Variants in TMED10 observed in about 807,000 individuals in gnomAD.
TMED10 encodes the protein transmembrane emp24 domain-containing protein 10.
In TMED10, 7 loss-of-function variants were observed where a neutral mutation model predicts 23.1. The ratio of observed to expected loss-of-function variants is 0.30; its 90% CI spans 0.17 to 0.57. The LOEUF (loss-of-function observed/expected upper bound fraction) is 0.57. Ranked by LOEUF, TMED10 falls within the 20% of genes least tolerant of loss-of-function variation. The probability of loss-of-function intolerance (pLI) is 0.91; values close to 1 mark genes in which losing one functional copy is unlikely to be tolerated. For missense variants in TMED10, 162 were observed against 274.8 expected, an observed-to-expected ratio of 0.59 and a Z score of 2.90; for synonymous variants, 113 against 106.9, an observed-to-expected ratio of 1.06 and a Z score of -0.35.
At chr14:75,142,697 C>T (rs1051091485) in intron 3 of TMED10, among the ~76,000 whole-genome samples, 3 of 152,114 alleles carry the variant, frequency 2.0e-5, no homozygotes, top group Non-Finnish European at 2.9e-5. Flanking sequence ...TTTATATAGT[C>T]GTAAAGACCT....
chr14:75,176,233 T>C (rs1180057800), intron 1 of TMED10, 122 bp downstream of exon 1: 1 of 1,264,754 alleles, frequency 7.9e-7, no homozygotes, highest in Non-Finnish European at 1.1e-6. Context: ...GCACGTCCTT[T>C]GCGCTCCCGG....
Position 75,176,606 on chromosome 14 carries a change from A to T in TMED10, c.-27T>A, listed in dbSNP as rs1397956500. ...GTGCTGGAGACTCGTTCACCACCGA[A>T]GGCCTCAACCGCGCCGGAACCGGGG... On this transcript the variant is annotated 5_prime_UTR_variant, in exon 1 of 5. Transcript: ENST00000303575. 2 of 1,612,538 alleles carry T rather than the reference A, an allele frequency of 1.2e-6. No individual in the cohort carries two copies. Among genetic ancestry groups the T allele is most frequent in the East Asian group, 4.5e-5 (2 of 44,858 alleles).
chr14:75,138,825 T>TC (rs60535884), intron 3 of TMED10, among the ~76,000 whole-genome samples: 1 of 141,628 alleles, frequency 7.1e-6, no homozygotes, highest in African/African-American at 2.7e-5. Flanking sequence ...TTTTTTTTTT[T>TC]TTTTTTTATT....
At position 75,158,681 on chromosome 14, in the gene TMED10, T is replaced by C. The variant is rs561656095; in HGVS notation, c.226-6538A>G. Among the ~76,000 whole-genome samples the C allele has an allele frequency of 9.0e-4, 137 of 151,680 alleles. 1 individual carries two copies. Among genetic ancestry groups the C allele is most frequent in the Non-Finnish European group, 1.7e-3 (114 of 67,886 alleles). On this transcript the variant is annotated intron_variant, in intron 1 of 4. Transcript: ENST00000303575. Reference sequence around the variant, plus strand: ...GGCTCATGCCTGTAATCCCAGCACTTTGGGAGGCCGAGGCGGGCAGATCAC... The same window carrying C: ...GGCTCATGCCTGTAATCCCAGCACTCTGGGAGGCCGAGGCGGGCAGATCAC...
chr14:75,155,813 T>C (rs1476858390), intron 1 of TMED10, among the ~76,000 whole-genome samples: 9 of 152,130 alleles, frequency 5.9e-5, no homozygotes, highest in Non-Finnish European at 1.3e-4. Context: ...CAGAAAAACA[T>C]AAAACAAAAA....
chr14:75,167,926 C>T lies in TMED10; in HGVS notation c.225+8429G>A, dbSNP rs1040127172. Among the ~76,000 whole-genome samples the T allele has an allele frequency of 1.1e-4, 17 of 152,228 alleles. No individual in the cohort carries two copies. In the East Asian group the frequency reaches 1.5e-3, roughly 14 times the overall value. ...AAACTTCTATATTCACTGTAAATGA[C>T]GAGTTGATACTTCCTGCTTCAATTA... On this transcript the variant is annotated intron_variant, in intron 1 of 4. Coordinates refer to ENST00000303575, the MANE Select transcript of TMED10 (RefSeq NM_006827.6).
intron 1 of TMED10, among the ~76,000 whole-genome samples, chr14:75,170,704 T>C (rs1352449945): frequency 6.6e-6 from 1 of 152,198 alleles, no homozygotes; most frequent in Non-Finnish European, 1.5e-5. Context: ...CAACAATTCC[T>C]TACTCTGACA....
At position 75,133,750 on chromosome 14, in the gene TMED10, A is replaced by G. The variant is rs1237466458; in HGVS notation, c.*1135T>C. 1 of 185,804 alleles carries G rather than the reference A, an allele frequency of 5.4e-6. No individual in the cohort carries two copies. The highest frequency in any genetic ancestry group is 1.8e-4 in the East Asian group (1 of 5,564). 11.5% of individuals were successfully genotyped at this position (185,804 alleles called of 1,614,324 possible). ...GGGCAAAAAACTGAAAACAACTCTT[A>G]TGTCCTTTAGTGGGTGAATGGTTAA... On this transcript the variant is annotated 3_prime_UTR_variant, in exon 5 of 5. Coordinates refer to ENST00000303575, the MANE Select transcript of TMED10 (RefSeq NM_006827.6).
rs770085855 is a variant in TMED10, at chr14:75,134,272, T to C, written c.*613A>G. The C allele has an allele frequency of 1.3e-5, 2 of 154,058 alleles. No homozygotes were observed. The highest frequency in any genetic ancestry group is 2.9e-5 in the Non-Finnish European group (2 of 68,998). 9.5% of individuals were successfully genotyped at this position (154,058 alleles called of 1,614,324 possible). On this transcript the variant is annotated 3_prime_UTR_variant, in exon 5 of 5. Transcript: ENST00000303575. ...AAGCAGTTGAGCACAAATATTTTAA[T>C]TGTCTAAAATGACATTTTCTTTAAG...
Position 75,132,265 on chromosome 14 carries a change from A to G in TMED10, c.*2620T>C, listed in dbSNP as rs757441226. 4 of 151,424 alleles carry G rather than the reference A, an allele frequency of 2.6e-5. No individual in the cohort carries two copies. Among genetic ancestry groups the G allele is most frequent in the African/African-American group, 4.9e-5 (2 of 41,186 alleles). The allele number at this position is 151,424 out of a possible 1,614,324, so 9.4% of individuals were successfully genotyped here. A position where few individuals can be genotyped will look rare whatever the true frequency, so the allele number is the denominator to read the frequency against. On this transcript the variant is annotated 3_prime_UTR_variant, in exon 5 of 5. Coordinates refer to ENST00000303575, the MANE Select transcript of TMED10 (RefSeq NM_006827.6). ...TAGCCAGGCATGGTGGTGTGCACCT[A>G]TATTCCCAGCTACTCAGGAGGCTGA...
chr14:75,174,891 T>C (rs1896282848), intron 1 of TMED10, among the ~76,000 whole-genome samples: 1 of 151,770 alleles, frequency 6.6e-6, no homozygotes, highest in Non-Finnish European at 1.5e-5. Flanking sequence ...AATACAAAAA[T>C]TAGCTGGGTG....
intron 1 of TMED10, among the ~76,000 whole-genome samples, chr14:75,152,525 C>T (rs540809899): frequency 6.6e-6 from 1 of 152,250 alleles, no homozygotes; most frequent in South Asian, 2.1e-4. Flanking sequence ...AAAGATTATA[C>T]AAGAGGGACA....
chr14:75,168,862 T>C (rs1896195604), intron 1 of TMED10, among the ~76,000 whole-genome samples: 1 of 152,172 alleles, frequency 6.6e-6, no homozygotes, highest in African/African-American at 2.4e-5. Flanking sequence ...AAAAGTGCCA[T>C]GTAAAACAGG....
Position 75,131,782 on chromosome 14 carries a change from T to G in TMED10, c.*3103A>C, listed in dbSNP as rs1030091192. 6 of 152,192 alleles carry G rather than the reference T, an allele frequency of 3.9e-5. No homozygotes were observed. Among genetic ancestry groups the G allele is most frequent in the African/African-American group, 1.4e-4 (6 of 41,430 alleles). 9.4% of individuals were successfully genotyped at this position (152,192 alleles called of 1,614,324 possible). Reference sequence around the variant, plus strand: ...ATTTACTTTTTAGATAAAACCAAAGTATAATATCAATTAACTTTTAAACCA... The same window carrying G: ...ATTTACTTTTTAGATAAAACCAAAGGATAATATCAATTAACTTTTAAACCA... On this transcript the variant is annotated 3_prime_UTR_variant, in exon 5 of 5. Coordinates refer to ENST00000303575, the MANE Select transcript of TMED10 (RefSeq NM_006827.6).
At position 75,175,647 on chromosome 14, in the gene TMED10, G is replaced by A. The variant is rs187363981; in HGVS notation, c.225+708C>T. ...AGGAGACATACCTAATGTAAATGAC[G>A]AGTTAATGGGTGCAGCACACCAACA... On this transcript the variant is annotated intron_variant, in intron 1 of 4. Coordinates refer to ENST00000303575, the MANE Select transcript of TMED10 (RefSeq NM_006827.6). Among the ~76,000 whole-genome samples the A allele has an allele frequency of 4.1e-4, 62 of 151,804 alleles. No individual in the cohort carries two copies. The East Asian group carries it at 6.8e-3, about 17-fold the overall frequency.
At chr14:75,170,397 T>C (rs188985023) in intron 1 of TMED10, among the ~76,000 whole-genome samples, 1 of 152,258 alleles carries the variant, frequency 6.6e-6, no homozygotes, top group Non-Finnish European at 1.5e-5. Context: ...AAAAAGGAAC[T>C]AGAATTCCTT....
chr14:75,172,382 A>G (rs1454441315), intron 1 of TMED10, among the ~76,000 whole-genome samples: 1 of 151,362 alleles, frequency 6.6e-6, no homozygotes, highest in Non-Finnish European at 1.5e-5. Flanking sequence ...ATCATACTTC[A>G]CTGCAACTTC....
chr14:75,135,926 C>A, intron 3 of TMED10, 40 bp from the exon 4 acceptor site: 2 of 1,608,748 alleles, frequency 1.2e-6, no homozygotes, highest in South Asian at 2.2e-5. Flanking sequence ...CTGAAAACAT[C>A]GCTTCAGTCA....
At chr14:75,148,524 T>C (rs10138183) in intron 2 of TMED10, among the ~76,000 whole-genome samples, 70,790 of 151,718 alleles carry the variant, frequency 0.47, 17,445 homozygotes, top group East Asian at 0.84. Flanking sequence ...AATCATCAAG[T>C]AGGAGAAAGG....
Sources: gnomAD v4.1 joint callset for allele counts (sites outside exome capture counted in the v4.1 genomes callset) on GRCh38, gnomAD v4.1.1 for gene constraint, MANE v1.5 for transcripts, NCBI Gene and HGNC (gene_info 2026-07-23, HGNC 2026-07-21) for gene names.